Variants in GAS2 observed in about 807,000 individuals in gnomAD.
The protein encoded by GAS2 is growth arrest-specific protein 2.
GAS2 carries 20 observed loss-of-function variants against 37.5 expected under a neutral mutation model. The observed-to-expected ratio is 0.53, with a 90% CI of 0.37 to 0.77. The LOEUF (loss-of-function observed/expected upper bound fraction) is 0.77, where lower values mean the gene tolerates loss of function less well. GAS2 is among the 30% of genes least tolerant of loss of function. The probability of loss-of-function intolerance (pLI) is 0.00; values close to 1 mark genes in which losing one functional copy is unlikely to be tolerated. For missense variants in GAS2, 336 were observed against 373.4 expected (o/e 0.90, Z 0.82); for synonymous variants, 144 against 132.2 (o/e 1.09, Z -0.61).
chr11:22,648,829 G>A (rs1848735616), intron 1 of GAS2, among the ~76,000 whole-genome samples: 1 of 152,036 alleles, frequency 6.6e-6, no homozygotes, highest in African/African-American at 2.4e-5. Context: ...GAGATAATGG[G>A]GTTTTCTAGA....
intron 7 of GAS2, among the ~76,000 whole-genome samples, chr11:22,757,992 A>T (rs1278559529): frequency 6.6e-6 from 1 of 152,152 alleles, no homozygotes. Flanking sequence ...CTCTGTGTTA[A>T]CTAGAAAAAC....
intron 5 of GAS2, among the ~76,000 whole-genome samples, chr11:22,747,873 A>G (rs1340265144): frequency 6.6e-6 from 1 of 152,190 alleles, no homozygotes; most frequent in African/African-American, 2.4e-5. Context: ...TTGAGCATCC[A>G]CTGCAAAAAC....
At chr11:22,809,924 T>A (rs991305718) in intron 7 of GAS2, among the ~76,000 whole-genome samples, 48 of 152,184 alleles carry the variant, frequency 3.2e-4, no homozygotes, top group African/African-American at 1.0e-3. Flanking sequence ...ATTTCAGGGG[T>A]TCTCATTGAG....
intron 3 of GAS2, chr11:22,702,586 T>A (rs1298957677): frequency 6.6e-6 from 1 of 152,192 alleles, no homozygotes; most frequent in South Asian, 2.1e-4. Flanking sequence ...TATTTTAGAA[T>A]TCCCCTTAAA....
chr11:22,682,891 A>G (rs1849760669), intron 2 of GAS2, among the ~76,000 whole-genome samples: 2 of 60,600 alleles, frequency 3.3e-5, no homozygotes, highest in African/African-American at 9.9e-5. Context: ...AAAAAAGGAA[A>G]AAAAAAAAAA....
chr11:22,783,830 A>G (rs181406079), intron 7 of GAS2, among the ~76,000 whole-genome samples: 2 of 152,310 alleles, frequency 1.3e-5, no homozygotes, highest in Non-Finnish European at 1.5e-5. Flanking sequence ...GTATATGTGT[A>G]AGGAAGGAGT....
intron 3 of GAS2, among the ~76,000 whole-genome samples, chr11:22,691,438 A>G (rs1451066367): frequency 1.3e-5 from 2 of 152,156 alleles, no homozygotes; most frequent in Non-Finnish European, 2.9e-5. Flanking sequence ...AGAAATCCAG[A>G]TATTTGTGTT....
intron 6 of GAS2, 27 bp from the exon 7 acceptor site, chr11:22,755,819 A>T (rs1853998272): frequency 6.5e-7 from 1 of 1,546,372 alleles, no homozygotes; most frequent in Non-Finnish European, 8.9e-7. Context: ...ATTAAGACAA[A>T]TGAATGTGCC....
intron 7 of GAS2, among the ~76,000 whole-genome samples, chr11:22,795,108 G>C (rs1482998658): frequency 1.3e-5 from 2 of 152,098 alleles, no homozygotes; most frequent in African/African-American, 4.8e-5. Context: ...GTAGTGTGTA[G>C]CCTAGCCATA....
At chr11:22,791,763 C>G (rs1856175157) in intron 7 of GAS2, among the ~76,000 whole-genome samples, 1 of 152,170 alleles carries the variant, frequency 6.6e-6, no homozygotes, top group African/African-American at 2.4e-5. Flanking sequence ...TACACATATA[C>G]TATAGATAAG....
intron 3 of GAS2, among the ~76,000 whole-genome samples, chr11:22,695,939 T>C (rs1184175521): frequency 2.0e-5 from 3 of 152,124 alleles, no homozygotes. Context: ...ACGTTGTTTT[T>C]TTAAATTTTA....
chr11:22,666,385 A>T (rs1044514749), upstream of GAS2, among the ~76,000 whole-genome samples: 1 of 152,202 alleles, frequency 6.6e-6, no homozygotes, highest in African/African-American at 2.4e-5. Flanking sequence ...CCAACACCCA[A>T]TTTTAATATT....
chr11:22,779,653 G>A (rs767833000), intron 7 of GAS2, among the ~76,000 whole-genome samples: 16 of 151,908 alleles, frequency 1.1e-4, no homozygotes, highest in Non-Finnish European at 1.9e-4. Flanking sequence ...AGCCAAGATC[G>A]TGCCACTGCA....
chr11:22,670,802 C>T (rs1266755486), intron 1 of GAS2, among the ~76,000 whole-genome samples: 1 of 151,952 alleles, frequency 6.6e-6, no homozygotes, highest in Non-Finnish European at 1.5e-5. Context: ...ATTATTTGAC[C>T]CTGGACTTCT....
chr11:22,710,140 T>C (rs970158782), intron 3 of GAS2, among the ~76,000 whole-genome samples: 1 of 152,040 alleles, frequency 6.6e-6, no homozygotes, highest in Admixed American at 6.6e-5. Flanking sequence ...TGTGCACATG[T>C]ACCCTAAAAC....
intron 1 of GAS2, among the ~76,000 whole-genome samples, chr11:22,641,230 ATATATATATGTG>A (rs1848621800): frequency 8.9e-6 from 1 of 112,540 alleles, no homozygotes; most frequent in Non-Finnish European, 2.0e-5. Context: ...GTGTGTGTGT[ATATATATATGTG>A]TATATATATA....
intron 3 of GAS2, among the ~76,000 whole-genome samples, chr11:22,721,114 C>A (rs1851926752): frequency 6.6e-6 from 1 of 151,922 alleles, no homozygotes; most frequent in Admixed American, 6.6e-5. Context: ...TCATTTGGTG[C>A]TGTTTTTTTG....
intron 1 of GAS2, among the ~76,000 whole-genome samples, chr11:22,637,859 C>T (rs1189897836): frequency 1.3e-5 from 2 of 149,836 alleles, no homozygotes; most frequent in East Asian, 3.9e-4. Context: ...ACAGATATCT[C>T]CTTCCCCAAA....
intron 4 of GAS2, 89 bp downstream of exon 4, chr11:22,726,522 G>GATGTCATT: frequency 9.0e-7 from 1 of 1,112,640 alleles, no homozygotes. Context: ...TTTTTTGTAT[G>GATGTCATT]ATGTCATTTT....
Sources: gnomAD v4.1 joint callset for allele counts (sites outside exome capture counted in the v4.1 genomes callset) on GRCh38, gnomAD v4.1.1 for gene constraint, MANE v1.5 for transcripts, NCBI Gene and HGNC (gene_info 2026-07-23, HGNC 2026-07-21) for gene names.